The following PRKG1 variants were observed in gnomAD, a reference collection of about 807,000 sequenced individuals.
PRKG1 encodes the protein cGMP-dependent protein kinase 1.
A neutral mutation model predicts 88.1 loss-of-function variants in PRKG1; 35 were observed. The ratio of observed to expected loss-of-function variants is 0.40; its 90% confidence interval spans 0.30 to 0.53. The LOEUF (loss-of-function observed/expected upper bound fraction) is 0.53. PRKG1 is among the 20% of genes least tolerant of loss of function. The pLI is 0.59. For synonymous variants in PRKG1, 303 were observed against 292.5 expected (o/e 1.04, Z -0.37); for missense variants, 540 against 839.8 (o/e 0.64, Z 4.41).
At chr10:51,410,380 G>A (rs1273832657) in intron 2 of PRKG1, among the ~76,000 whole-genome samples, 2 of 151,754 alleles carry the variant, frequency 1.3e-5, no homozygotes, top group Non-Finnish European at 2.9e-5. Flanking sequence ...GAGCCACTCC[G>A]AGTCCCAAAA....
chr10:52,266,603 T>G (rs1841576509), intron 10 of PRKG1, among the ~76,000 whole-genome samples: 1 of 152,030 alleles, frequency 6.6e-6, no homozygotes, highest in Admixed American at 6.6e-5. Context: ...CTCAAATCCT[T>G]ACTCATCTAC....
intron 1 of PRKG1, among the ~76,000 whole-genome samples, chr10:51,113,825 G>C (rs1845037798): frequency 6.7e-6 from 1 of 150,314 alleles, no homozygotes; most frequent in Admixed American, 6.6e-5. Flanking sequence ...TCCATTGAAA[G>C]TAGCTATTTC....
chr10:51,234,766 A>G (rs1838938989), intron 2 of PRKG1, among the ~76,000 whole-genome samples: 1 of 152,200 alleles, frequency 6.6e-6, no homozygotes, highest in Non-Finnish European at 1.5e-5. Context: ...TAAACATTCA[A>G]GTCAACCAAA....
intron 9 of PRKG1, among the ~76,000 whole-genome samples, chr10:52,210,319 T>TAAA (rs1839934872): frequency 6.6e-6 from 1 of 151,892 alleles, no homozygotes; most frequent in Non-Finnish European, 1.5e-5. Flanking sequence ...TAGATCTTAT[T>TAAA]TTAGTTTCTC....
intron 5 of PRKG1, among the ~76,000 whole-genome samples, chr10:52,019,214 C>G: frequency 6.6e-6 from 1 of 152,068 alleles, no homozygotes; most frequent in Admixed American, 6.6e-5. Flanking sequence ...GGATTTGCCC[C>G]CATGACCCAA....
intron 5 of PRKG1, among the ~76,000 whole-genome samples, chr10:51,954,669 A>G (rs1589452751): frequency 2.0e-5 from 3 of 152,200 alleles, no homozygotes; most frequent in Non-Finnish European, 1.5e-5. Flanking sequence ...AGTCATATGT[A>G]TGTATCTTGG....
At chr10:51,180,691 G>C (rs908840045) in intron 2 of PRKG1, among the ~76,000 whole-genome samples, 4 of 152,176 alleles carry the variant, frequency 2.6e-5, no homozygotes, top group African/African-American at 9.7e-5. Flanking sequence ...GGAGTAAGTA[G>C]GTCTGCATAC....
intron 12 of PRKG1, among the ~76,000 whole-genome samples, chr10:52,278,790 C>A (rs1285182100): frequency 6.6e-6 from 1 of 151,634 alleles, no homozygotes; most frequent in Non-Finnish European, 1.5e-5. Flanking sequence ...GTAGTCCCAG[C>A]TACTCGGGAG....
intron 17 of PRKG1, among the ~76,000 whole-genome samples, chr10:52,292,475 A>C (rs995445825): frequency 9.2e-5 from 14 of 151,884 alleles, no homozygotes; most frequent in Non-Finnish European, 1.6e-4. Context: ...TCAGCTTTCT[A>C]CATATGGCTA....
At chr10:51,461,161 A>G (rs1839733679) in intron 2 of PRKG1, among the ~76,000 whole-genome samples, 1 of 152,166 alleles carries the variant, frequency 6.6e-6, no homozygotes, top group South Asian at 2.1e-4. Flanking sequence ...TATAGCAGTC[A>G]TGACCAGAAG....
chr10:51,342,203 T>A (rs1018996755), intron 2 of PRKG1, among the ~76,000 whole-genome samples: 1 of 152,156 alleles, frequency 6.6e-6, no homozygotes, highest in African/African-American at 2.4e-5. Flanking sequence ...GGACTCCTAA[T>A]GGTTATTTGT....
At chr10:51,929,197 T>C (rs1292476645) in intron 5 of PRKG1, among the ~76,000 whole-genome samples, 1 of 151,774 alleles carries the variant, frequency 6.6e-6, no homozygotes, top group Admixed American at 6.6e-5. Flanking sequence ...CAAGAAGGAG[T>C]TTTATCAGTA....
At chr10:52,009,645 A>G (rs949284104) in intron 5 of PRKG1, among the ~76,000 whole-genome samples, 2 of 152,166 alleles carry the variant, frequency 1.3e-5, no homozygotes, top group African/African-American at 4.8e-5. Context: ...ACTACCAATG[A>G]CATTCTTCAC....
chr10:51,344,612 T>A (rs1443663359), intron 2 of PRKG1, among the ~76,000 whole-genome samples: 2 of 152,204 alleles, frequency 1.3e-5, no homozygotes, highest in African/African-American at 4.8e-5. Context: ...ACTGTAGAGA[T>A]GATGTCTTAC....
intron 3 of PRKG1, among the ~76,000 whole-genome samples, chr10:51,483,009 C>CTTTTTT (rs149140774): frequency 3.6e-4 from 40 of 110,440 alleles, no homozygotes; most frequent in African/African-American, 5.1e-4. Context: ...TCTTTTCTTT[C>CTTTTTT]TTTTTTTTTT....
chr10:51,984,173 C>T (rs1288394158), intron 5 of PRKG1, among the ~76,000 whole-genome samples: 3 of 152,046 alleles, frequency 2.0e-5, no homozygotes, highest in Admixed American at 2.0e-4. Context: ...AGGCATGTTA[C>T]AAAGGGTGAT....
chr10:52,198,902 T>C (rs1839584080), intron 9 of PRKG1, among the ~76,000 whole-genome samples: 1 of 152,098 alleles, frequency 6.6e-6, no homozygotes, highest in South Asian at 2.1e-4. Flanking sequence ...AGGGTCTATT[T>C]ACAGGTTCCA....
At chr10:51,906,940 T>C (rs1352341496) in intron 4 of PRKG1, among the ~76,000 whole-genome samples, 1 of 152,230 alleles carries the variant, frequency 6.6e-6, no homozygotes, top group Non-Finnish European at 1.5e-5. Context: ...ATCTTATTTC[T>C]ATAAAGAGTC....
intron 1 of PRKG1, among the ~76,000 whole-genome samples, chr10:51,064,662 T>C (rs73322683): frequency 0.049 from 7,525 of 152,200 alleles, 266 homozygotes; most frequent in African/African-American, 0.099. Flanking sequence ...GTATTCTTTC[T>C]GACTTTTTAA....
Sources: allele counts gnomAD v4.1 joint callset (sites outside exome capture counted in the v4.1 genomes callset), GRCh38; gene constraint gnomAD v4.1.1; transcripts MANE v1.5; gene names NCBI Gene and HGNC (gene_info 2026-07-23, HGNC 2026-07-21).